The following SATB2 variants were observed in gnomAD, a reference collection of about 807,000 sequenced individuals.
The protein encoded by SATB2 is SATB homeobox 2, also known as DNA-binding protein SATB2.
A neutral mutation model predicts 73.4 loss-of-function variants in SATB2; 1 was observed. The ratio of observed to expected loss-of-function variants is 0.01; its 90% CI spans 0.00 to 0.06. The LOEUF (loss-of-function observed/expected upper bound fraction) is 0.06, where lower values mean the gene tolerates loss of function less well. Among genes scored for constraint, SATB2 ranks in the 10% least tolerant of loss-of-function variants. The pLI is 1.00. For missense variants in SATB2, 459 were observed against 945.8 expected, an observed-to-expected ratio of 0.49 and a Z score of 6.75; for synonymous variants, 397 against 367.0, an observed-to-expected ratio of 1.08 and a Z score of -0.93.
intron 2 of SATB2, among the ~76,000 whole-genome samples, chr2:199,440,649 C>T (rs1345472737): frequency 6.6e-6 from 1 of 152,132 alleles, no homozygotes; most frequent in East Asian, 1.9e-4. Flanking sequence ...GTTTTCAACG[C>T]TCCTCCCTGT....
intron 10 of SATB2, among the ~76,000 whole-genome samples, chr2:199,281,774 G>A (rs1038830283): frequency 1.8e-4 from 27 of 151,896 alleles, no homozygotes; most frequent in Non-Finnish European, 3.5e-4. Flanking sequence ...ATTATTTTAT[G>A]TCTCCGTCAC....
intron 7 of SATB2, among the ~76,000 whole-genome samples, chr2:199,336,867 G>C (rs1445696179): frequency 1.3e-5 from 2 of 152,066 alleles, no homozygotes; most frequent in African/African-American, 4.8e-5. Flanking sequence ...GCTCTAACTG[G>C]ACAAGTATCA....
chr2:199,438,487 T>A (rs1277772262), intron 2 of SATB2, among the ~76,000 whole-genome samples: 2 of 152,240 alleles, frequency 1.3e-5, no homozygotes, highest in African/African-American at 4.8e-5. Flanking sequence ...CAGGCTGCTG[T>A]TTTATTACTA....
intron 10 of SATB2, among the ~76,000 whole-genome samples, chr2:199,289,878 T>C (rs1488177778): frequency 1.3e-5 from 2 of 152,162 alleles, no homozygotes; most frequent in Non-Finnish European, 2.9e-5. Context: ...CTTCTCCAGG[T>C]GTACTCCCAT....
chr2:199,277,143 G>A (rs536902184), intron 10 of SATB2, among the ~76,000 whole-genome samples: 1 of 152,284 alleles, frequency 6.6e-6, no homozygotes, highest in East Asian at 1.9e-4. Context: ...GGAAAAGCCT[G>A]CATTGACAGA....
intron 10 of SATB2, among the ~76,000 whole-genome samples, chr2:199,289,709 T>C (rs1559144225): frequency 6.6e-6 from 1 of 152,164 alleles, no homozygotes; most frequent in Non-Finnish European, 1.5e-5. Flanking sequence ...AATTAATCGT[T>C]AACGCTCTTG....
intron 3 of SATB2, among the ~76,000 whole-genome samples, chr2:199,432,647 T>C (rs180861910): frequency 1.7e-4 from 26 of 152,124 alleles, no homozygotes; most frequent in Non-Finnish European, 2.9e-4. Flanking sequence ...TTTTCATCAC[T>C]CAAGGTTTGG....
At chr2:199,323,278 G>A (rs1031853949) in intron 9 of SATB2, among the ~76,000 whole-genome samples, 1 of 152,146 alleles carries the variant, frequency 6.6e-6, no homozygotes. Flanking sequence ...CCCCCCACGT[G>A]TGTTTTCTCC....
intron 3 of SATB2, among the ~76,000 whole-genome samples, chr2:199,417,950 A>G (rs550086406): frequency 3.0e-4 from 45 of 152,228 alleles, no homozygotes; most frequent in Non-Finnish European, 5.1e-4. Context: ...TAAGATTGGT[A>G]CTTCACATCC....
intron 9 of SATB2, among the ~76,000 whole-genome samples, chr2:199,311,518 G>T (rs1687593624): frequency 6.6e-6 from 1 of 152,094 alleles, no homozygotes; most frequent in Non-Finnish European, 1.5e-5. Flanking sequence ...CAGAAAGATT[G>T]TCAAGAGCCT....
chr2:199,273,164 C>T (rs572576119), intron 10 of SATB2, among the ~76,000 whole-genome samples: 1 of 152,124 alleles, frequency 6.6e-6, no homozygotes, highest in Non-Finnish European at 1.5e-5. Context: ...AACCAACCTC[C>T]TAGAGATGTT....
At chr2:199,284,532 C>T (rs188071553) in intron 10 of SATB2, among the ~76,000 whole-genome samples, 38 of 152,200 alleles carry the variant, frequency 2.5e-4, no homozygotes, top group Non-Finnish European at 3.4e-4. Flanking sequence ...GCCTCACCAG[C>T]GTCAACCAAA....
chr2:199,357,324 G>A lies in SATB2; in HGVS notation c.701-8151C>T, dbSNP rs186805013. On this transcript the variant is annotated intron_variant, in intron 6 of 10. Transcript: ENST00000417098. ...TGCTTTGTGTAACATACACTGAAAAGACTGTCAATTCAAAAAGTGATGAAA... is the reference window on the plus strand; with the variant it reads ...TGCTTTGTGTAACATACACTGAAAAAACTGTCAATTCAAAAAGTGATGAAA... 2.0e-3 allele frequency among the ~76,000 whole-genome samples: 302 copies of A among 152,304 alleles called. 4 individuals are homozygous for A. Among genetic ancestry groups the A allele is most frequent in the African/African-American group, 7.1e-3 (294 of 41,584 alleles).
intron 9 of SATB2, among the ~76,000 whole-genome samples, chr2:199,311,982 G>A (rs1687610127): frequency 6.6e-6 from 1 of 151,740 alleles, no homozygotes; most frequent in Non-Finnish European, 1.5e-5. Flanking sequence ...CCCCATATTG[G>A]GATTTTTTTT....
intron 6 of SATB2, among the ~76,000 whole-genome samples, chr2:199,356,280 T>C (rs1187771375): frequency 6.7e-6 from 1 of 149,004 alleles, no homozygotes; most frequent in African/African-American, 2.5e-5. Context: ...AGAATTTCTC[T>C]ACGATTCTTT....
At chr2:199,306,225 T>C (rs1192677980) in intron 10 of SATB2, among the ~76,000 whole-genome samples, 1 of 152,214 alleles carries the variant, frequency 6.6e-6, no homozygotes, top group Non-Finnish European at 1.5e-5. Context: ...TCAGGAGTTC[T>C]GCTGTCTAGT....
chr2:199,367,838 G>C (rs983661268), intron 6 of SATB2, among the ~76,000 whole-genome samples: 3 of 151,946 alleles, frequency 2.0e-5, no homozygotes, highest in African/African-American at 7.3e-5. Flanking sequence ...ATTTGAAATG[G>C]TCCTGACATG....
At chr2:199,420,171 C>T (rs1340676340) in intron 3 of SATB2, among the ~76,000 whole-genome samples, 1 of 152,160 alleles carries the variant, frequency 6.6e-6, no homozygotes, top group Non-Finnish European at 1.5e-5. Context: ...CTTAGCCCAT[C>T]TGTGCCTCAG....
intron 3 of SATB2, among the ~76,000 whole-genome samples, chr2:199,423,223 C>A (rs1284760428): frequency 6.6e-6 from 1 of 152,064 alleles, no homozygotes; most frequent in Non-Finnish European, 1.5e-5. Context: ...TCCATCTCCC[C>A]TACATATAAG....
Sources: gnomAD v4.1 joint callset for allele counts (sites outside exome capture counted in the v4.1 genomes callset) on GRCh38, gnomAD v4.1.1 for gene constraint, MANE v1.5 for transcripts, NCBI Gene and HGNC (gene_info 2026-07-23, HGNC 2026-07-21) for gene names.